The following GTF2E1 variants were observed in gnomAD, a reference collection of about 807,000 sequenced individuals.
The protein encoded by GTF2E1 is general transcription factor IIE subunit 1.
Under a neutral mutation model 34.9 loss-of-function variants are expected in GTF2E1, and 14 were observed. The observed-to-expected ratio is 0.40, with a 90% CI of 0.27 to 0.63. GTF2E1 has a LOEUF of 0.63. Among genes scored for constraint, GTF2E1 ranks in the 20% least tolerant of loss-of-function variants. The probability of loss-of-function intolerance (pLI) is 0.39; values close to 1 mark genes in which losing one functional copy is unlikely to be tolerated. For synonymous variants in GTF2E1, 188 were observed against 192.9 expected (o/e 0.97, Z 0.21); for missense variants, 469 against 557.7 (o/e 0.84, Z 1.60).
intron 2 of GTF2E1, among the ~76,000 whole-genome samples, chr3:120,761,131 TC>T: frequency 6.6e-6 from 1 of 152,332 alleles, no homozygotes; most frequent in African/African-American, 2.4e-5. Context: ...TTCAACTTCT[TC>T]CTGGTTTAGT....
intron 1 of GTF2E1, among the ~76,000 whole-genome samples, chr3:120,744,852 T>G (rs1401308653): frequency 6.6e-6 from 1 of 152,178 alleles, no homozygotes; most frequent in Non-Finnish European, 1.5e-5. Flanking sequence ...ATGCCAGCCC[T>G]GAAAGCAGAA....
chr3:120,781,500 ATGCTCAGTTC>A lies in GTF2E1; in HGVS notation c.*31_*40del. 1.3e-6 allele frequency: 2 copies of A among 1,551,878 alleles called. No individual in the cohort carries two copies. Among genetic ancestry groups the A allele is most frequent in the Admixed American group, 1.7e-5 (1 of 58,720 alleles). ...TCCCTAATTCTTTCTCCTTTCTCTA[ATGCTCAGTTC>A]AAAAAGGAATGTCTCATCTTTGAAG... On this transcript the variant is annotated 3_prime_UTR_variant, in exon 5 of 5. Coordinates refer to ENST00000283875, the MANE Select transcript of GTF2E1 (RefSeq NM_005513.3).
At chr3:120,775,935 C>G (rs1709394935) in intron 3 of GTF2E1, among the ~76,000 whole-genome samples, 1 of 152,130 alleles carries the variant, frequency 6.6e-6, no homozygotes, top group Non-Finnish European at 1.5e-5. Flanking sequence ...CTAGCTTTTT[C>G]CATGATCAGC....
At chr3:120,755,550 C>A (rs1709201099) in intron 2 of GTF2E1, among the ~76,000 whole-genome samples, 1 of 152,062 alleles carries the variant, frequency 6.6e-6, no homozygotes, top group Non-Finnish European at 1.5e-5. Context: ...TGTTTTGATA[C>A]AGGCATGCAA....
intron 2 of GTF2E1, among the ~76,000 whole-genome samples, chr3:120,754,099 C>A (rs1709188755): frequency 6.6e-6 from 1 of 152,120 alleles, no homozygotes; most frequent in South Asian, 2.1e-4. Flanking sequence ...TTAAGTATTT[C>A]TATTTTAGCA....
rs893420206 is a variant in GTF2E1, at chr3:120,781,626, C to G, written c.*156C>G. 12 of 627,554 alleles carry G rather than the reference C, an allele frequency of 1.9e-5. No homozygotes were observed. The Middle Eastern group carries it at 1.2e-3, about 65-fold the overall frequency. 38.9% of individuals were successfully genotyped at this position (627,554 alleles called of 1,614,324 possible). On this transcript the variant is annotated 3_prime_UTR_variant, in exon 5 of 5. Transcript: ENST00000283875. Reference sequence around the variant, plus strand: ...GATGGTAGAGAGTTTGACTTTTATGCCAGAAACTTTCCCAGCAAGGTAGGG... The same window carrying G: ...GATGGTAGAGAGTTTGACTTTTATGGCAGAAACTTTCCCAGCAAGGTAGGG...
intron 2 of GTF2E1, among the ~76,000 whole-genome samples, chr3:120,751,257 A>G (rs1043243215): frequency 1.3e-4 from 20 of 152,074 alleles, no homozygotes; most frequent in African/African-American, 4.8e-4. Flanking sequence ...CACCTTGTTT[A>G]CAACTGCAGC....
Position 120,781,128 on chromosome 3 carries a change from C to A in GTF2E1, c.978C>A (p.Leu326=). ...DDNEEVMRAL[L]IHEKKTSSAM... is the part of the protein sequence containing the mutation. ...ACGAAGAGGTCATGCGAGCACTGCTCATTCACGAGAAAAAGACTTCCTCTG... is the reference window on the plus strand; with the variant it reads ...ACGAAGAGGTCATGCGAGCACTGCTAATTCACGAGAAAAAGACTTCCTCTG... The change falls in exon 5 of 5, where the codon CTC becomes CTA. Residue 326 remains leucine, a synonymous_variant. Coordinates refer to ENST00000283875, the MANE Select transcript of GTF2E1 (RefSeq NM_005513.3). 6.2e-7 allele frequency: 1 copy of A among 1,614,058 alleles called. No individual in the cohort carries two copies. Among genetic ancestry groups the A allele is most frequent in the South Asian group, 1.1e-5 (1 of 91,056 alleles).
Position 120,776,537 on chromosome 3 carries a change from C to T in GTF2E1, c.765C>T (p.Val255=), listed in dbSNP as rs1311233082. The T allele has an allele frequency of 1.2e-6, 2 of 1,613,862 alleles. No homozygotes were observed. Among genetic ancestry groups the T allele is most frequent in the African/African-American group, 2.7e-5 (2 of 74,888 alleles). ...SYEDLYTQNV[V]INMDDQEDLH... ...AAGACTTATACACTCAGAATGTTGT[C>T]ATTAACATGGATGACCAAGAAGATC... The change falls in exon 4 of 5, where the codon GTC becomes GTT. Residue 255 remains valine (V), a synonymous_variant. Transcript: ENST00000283875.
At chr3:120,748,964 C>T (rs1709137847) in intron 1 of GTF2E1, among the ~76,000 whole-genome samples, 1 of 152,208 alleles carries the variant, frequency 6.6e-6, no homozygotes, top group Non-Finnish European at 1.5e-5. Context: ...AGAGGTCCTT[C>T]ACATCCCTTG....
intron 2 of GTF2E1, among the ~76,000 whole-genome samples, chr3:120,766,473 ATTC>A (rs1709308638): frequency 6.6e-6 from 1 of 152,000 alleles, no homozygotes; most frequent in African/African-American, 2.4e-5. Context: ...GTTTTTTATC[ATTC>A]TTTTTGATAA....
chr3:120,752,447 G>A (rs1709171879), intron 2 of GTF2E1, among the ~76,000 whole-genome samples: 1 of 152,180 alleles, frequency 6.6e-6, no homozygotes, highest in Non-Finnish European at 1.5e-5. Flanking sequence ...CTTGACCACA[G>A]TAGAAGGTGT....
chr3:120,781,396 G>T lies in GTF2E1; in HGVS notation c.1246G>T (p.Ala416Ser). The T allele has an allele frequency of 6.2e-7, 1 of 1,614,130 alleles. No homozygotes were observed. Among genetic ancestry groups the T allele is most frequent in the South Asian group, 1.1e-5 (1 of 91,086 alleles). Residue 416 changes from alanine to serine, a missense_variant, in exon 5 of 5, where the codon GCC (alanine) becomes TCC (serine). By Grantham distance (99) the Ala-to-Ser change is moderately conservative. Transcript: ENST00000283875. ...SEVSQRPELV[A>S]QMTPEEKEAY... Reference sequence around the variant, plus strand: ...AGTGAGCCAACGGCCAGAGCTAGTGGCCCAGATGACACCAGAAGAAAAGGA... The same window carrying T: ...AGTGAGCCAACGGCCAGAGCTAGTGTCCCAGATGACACCAGAAGAAAAGGA...
intron 1 of GTF2E1, chr3:120,749,697 A>G (rs1296767974): frequency 3.3e-5 from 5 of 152,134 alleles, no homozygotes; most frequent in Admixed American, 2.6e-4. Flanking sequence ...ATGTTCATCA[A>G]GGATATTGGT....
intron 2 of GTF2E1, among the ~76,000 whole-genome samples, chr3:120,768,043 T>C (rs1445593465): frequency 6.6e-6 from 1 of 152,152 alleles, no homozygotes; most frequent in Non-Finnish European, 1.5e-5. Context: ...GGAGTACATA[T>C]TGTCTTAAAA....
chr3:120,751,460 A>C (rs143270931), intron 2 of GTF2E1, among the ~76,000 whole-genome samples: 1 of 152,166 alleles, frequency 6.6e-6, no homozygotes, highest in African/African-American at 2.4e-5. Flanking sequence ...TTGAGACCTA[A>C]AAGATAGTAA....
chr3:120,746,788 A>G (rs1709109441), intron 1 of GTF2E1, among the ~76,000 whole-genome samples: 1 of 152,194 alleles, frequency 6.6e-6, no homozygotes, highest in Non-Finnish European at 1.5e-5. Flanking sequence ...ACAGAGCAAG[A>G]CACTCTCTCT....
At position 120,742,761 on chromosome 3, in the gene GTF2E1, C is replaced by T. The variant is rs1709066404; in HGVS notation, c.-64C>T. On this transcript the variant is annotated 5_prime_UTR_variant, in exon 1 of 5. Coordinates refer to ENST00000283875, the MANE Select transcript of GTF2E1 (RefSeq NM_005513.3). ...AAGCCGGTAGTTGAAGCGCTGGGGG[C>T]AGCTGTAGTGGGAGTGTTCCAGGAT... 3.7e-6 allele frequency: 2 copies of T among 547,716 alleles called. No individual in the cohort carries two copies. Among genetic ancestry groups the T allele is most frequent in the Non-Finnish European group, 3.3e-6 (1 of 303,954 alleles). The allele number at this position is 547,716 out of a possible 1,614,324, so 33.9% of individuals were successfully genotyped here.
chr3:120,768,275 G>T (rs1409594959), intron 2 of GTF2E1, among the ~76,000 whole-genome samples: 2 of 152,176 alleles, frequency 1.3e-5, no homozygotes, highest in East Asian at 3.8e-4. Flanking sequence ...AAGAACTGAA[G>T]TAAGTTTGGA....
Sources: gnomAD v4.1 joint callset for allele counts (sites outside exome capture counted in the v4.1 genomes callset) on GRCh38, gnomAD v4.1.1 for gene constraint, MANE v1.5 for transcripts, NCBI Gene and HGNC (gene_info 2026-07-23, HGNC 2026-07-21) for gene names.